GNAS: variants seen among roughly 807,000 people sequenced by gnomAD.
The protein encoded by GNAS is protein ALEX.
In GNAS, 8 loss-of-function variants were observed where a neutral mutation model predicts 54.5. The ratio of observed to expected loss-of-function variants is 0.15; its 90% confidence interval spans 0.09 to 0.26. The LOEUF (loss-of-function observed/expected upper bound fraction) is 0.26. GNAS is among the 10% of genes least tolerant of loss of function. The probability of loss-of-function intolerance (pLI) is 1.00; values close to 1 mark genes in which losing one functional copy is unlikely to be tolerated. For synonymous variants in GNAS, 204 were observed against 191.4 expected (o/e 1.07, Z -0.54); for missense variants, 170 against 529.8 (o/e 0.32, Z 6.67).
At position 58,853,076 on chromosome 20, in the gene GNAS, T is replaced by C; in HGVS notation, c.43+12190T>C. On this transcript the variant is annotated intron_variant, in intron 1 of 12. Coordinates refer to the GNAS transcript ENST00000306090. This position sits in a 1 kb window ranked among gnomAD's most constrained non-coding sequence, Gnocchi z 4.4. ...CTCCACCAGCAACAATTGAGTTGCT[T>C]CAGCCTCAGTCTAGGGTTCCTTCCA... is the stretch of plus-strand genomic sequence containing the variant. The C allele has an allele frequency of 1.4e-6, 2 of 1,390,846 alleles. No homozygotes were observed. Among genetic ancestry groups the C allele is most frequent in the Admixed American group, 6.3e-5 (2 of 31,826 alleles). The allele number at this position is 1,390,846 out of a possible 1,614,324, so 86.2% of individuals were successfully genotyped here.
intron 1 of GNAS, among the ~76,000 whole-genome samples, chr20:58,861,686 A>G (rs757968331): frequency 6.6e-6 from 1 of 152,136 alleles, no homozygotes; most frequent in Non-Finnish European, 1.5e-5. Context: ...AGGAGAGGAG[A>G]GGTATTTCAA....
rs1158028200 is a variant in GNAS, at chr20:58,903,368, C to T, written c.258-163C>T. Reference sequence around the variant, plus strand: ...GGCACATTTGGGAGGTTATAATTTGCAACTATGTTTATTCAGCTACCTCCA... The same window carrying T: ...GGCACATTTGGGAGGTTATAATTTGTAACTATGTTTATTCAGCTACCTCCA... On this transcript the variant is annotated intron_variant, in intron 3 of 12. Transcript: ENST00000371085. The T allele has an allele frequency of 4.1e-6, 3 of 730,430 alleles. No individual in the cohort carries two copies. The East Asian group carries it at 8.0e-5, about 20-fold the overall frequency. The allele number at this position is 730,430 out of a possible 1,614,324, so 45.2% of individuals were successfully genotyped here. A position where few individuals can be genotyped will look rare whatever the true frequency, so the allele number is the denominator to read the frequency against.
intron 1 of GNAS, among the ~76,000 whole-genome samples, chr20:58,893,470 A>G (rs1279850902): frequency 6.6e-6 from 1 of 152,222 alleles, no homozygotes; most frequent in Non-Finnish European, 1.5e-5. Flanking sequence ...TCACATTTCA[A>G]CAAAACAGCT....
rs1364560124 is a variant in GNAS at position 58,910,311 on chromosome 20, A to T, written c.971-23A>T. 1.3e-6 allele frequency: 2 copies of T among 1,559,066 alleles called. No individual in the cohort carries two copies. Among genetic ancestry groups the T allele is most frequent in the South Asian group, 2.2e-5 (2 of 89,974 alleles). On this transcript the variant is annotated intron_variant, in intron 11 of 12. Transcript: ENST00000371085. This position sits in a 1 kb window ranked among gnomAD's most constrained non-coding sequence, Gnocchi z 5.8. ...TCTGCTTGAATTTTAAATTACATTAATATGTATTCCCTTTTTATATAGCTA... is the reference window on the plus strand; with the variant it reads ...TCTGCTTGAATTTTAAATTACATTATTATGTATTCCCTTTTTATATAGCTA...
intron 1 of GNAS, chr20:58,850,996 A>G: frequency 2.5e-6 from 1 of 398,408 alleles, no homozygotes; most frequent in Non-Finnish European, 4.4e-6. Context: ...CCAATGGCTG[A>G]CCCGGCGCTG....
chr20:58,888,145 G>A (rs1262972945), upstream of GNAS, among the ~76,000 whole-genome samples: 1 of 152,040 alleles, frequency 6.6e-6, no homozygotes, highest in Non-Finnish European at 1.5e-5. Context: ...AGTTTCATGG[G>A]CTCTGTTAAG....
intron 6 of GNAS, 73 bp downstream of exon 6, chr20:58,905,553 T>A: frequency 1.1e-6 from 1 of 880,528 alleles, no homozygotes. Flanking sequence ...CCTGTGATCC[T>A]GCTTTGAAAG....
intron 1 of GNAS, among the ~76,000 whole-genome samples, chr20:58,869,104 G>A (rs1460826979): frequency 2.6e-5 from 4 of 152,188 alleles, no homozygotes; most frequent in African/African-American, 9.7e-5. Context: ...TGGATCTGAA[G>A]ATCTTAGCCA....
intron 1 of GNAS, among the ~76,000 whole-genome samples, chr20:58,877,347 A>G (rs1460090014): frequency 6.6e-6 from 1 of 152,090 alleles, no homozygotes; most frequent in African/African-American, 2.4e-5. Flanking sequence ...AGGACTAGTC[A>G]GCCAGGGGCA....
At chr20:58,847,783 C>T (rs1265065172) in intron 1 of GNAS, among the ~76,000 whole-genome samples, 1 of 152,200 alleles carries the variant, frequency 6.6e-6, no homozygotes, top group Non-Finnish European at 1.5e-5. Flanking sequence ...TTTGCCTTCT[C>T]TTTGTTGGCT....
At chr20:58,903,025 C>T (rs576192480) in intron 3 of GNAS, 26 of 240,330 alleles carry the variant, frequency 1.1e-4, no homozygotes, top group South Asian at 9.1e-4. Flanking sequence ...TGTGAGCCAC[C>T]GCACCCGGGC....
At chr20:58,871,506 C>G (rs564099024) in intron 1 of GNAS, among the ~76,000 whole-genome samples, 1 of 149,518 alleles carries the variant, frequency 6.7e-6, no homozygotes, top group Non-Finnish European at 1.5e-5. Context: ...TCTAGCTACT[C>G]GGGAGGCTGA....
chr20:58,900,822 A>G (rs1222044324), intron 3 of GNAS, among the ~76,000 whole-genome samples: 3 of 152,240 alleles, frequency 2.0e-5, no homozygotes, highest in South Asian at 2.1e-4. Flanking sequence ...AATTGCTTCA[A>G]TGGAAGAATT....
chr20:58,899,599 CCATT>C (rs1280730890), intron 3 of GNAS: 20 of 575,546 alleles, frequency 3.5e-5, no homozygotes, highest in Admixed American at 1.7e-4. Context: ...TTTTATTTTT[CCATT>C]CATTATCAAA....
At chr20:58,883,596 C>T (rs1251920908) in intron 1 of GNAS, among the ~76,000 whole-genome samples, 9 of 152,172 alleles carry the variant, frequency 5.9e-5, no homozygotes, top group Non-Finnish European at 4.4e-5. Flanking sequence ...GACACAGTGC[C>T]ATCTGGGCTC....
intron 6 of GNAS, among the ~76,000 whole-genome samples, chr20:58,908,184 C>T (rs1208136292): frequency 6.6e-6 from 1 of 151,970 alleles, no homozygotes; most frequent in African/African-American, 2.4e-5. Flanking sequence ...CTCGTTAGCC[C>T]GCTTTAAAAC....
Position 58,910,151 on chromosome 20 carries a change from C to A in GNAS, c.970+70C>A. 1 of 1,487,030 alleles carries A rather than the reference C, an allele frequency of 6.7e-7. No homozygotes were observed. Among genetic ancestry groups the A allele is most frequent in the Non-Finnish European group, 9.4e-7 (1 of 1,064,484 alleles). 92.1% of individuals were successfully genotyped at this position (1,487,030 alleles called of 1,614,324 possible). Reference sequence around the variant, plus strand: ...CTTTTTCAAACGGTCAGGCTGAAAACCCCCATCCCCCTCCCACCACCAAAC... The same window carrying A: ...CTTTTTCAAACGGTCAGGCTGAAAAACCCCATCCCCCTCCCACCACCAAAC... On this transcript the variant is annotated intron_variant, in intron 11 of 12. Transcript: ENST00000371085. The surrounding 1 kb of genome is among the most constrained non-coding windows in gnomAD (Gnocchi z 5.8).
rs188623717 is a variant in GNAS at position 58,865,332 on chromosome 20, C to T, written c.43+24446C>T. On this transcript the variant is annotated intron_variant, in intron 1 of 12. Transcript: ENST00000306090. ...ACTCAGGAGGCTGAGGCAGGAGAAT[C>T]GCTTGAACCCGGGAGGCAGAGGTTG... Among the ~76,000 whole-genome samples the T allele has an allele frequency of 7.0e-3, 1,063 of 151,202 alleles. 11 individuals are homozygous for T. The highest frequency in any genetic ancestry group is 0.024 in the African/African-American group (1,008 of 41,202).
chr20:58,855,659 G>GCCGGGGAGGGGCCCC, intron 1 of GNAS: 2 of 702,302 alleles, frequency 2.8e-6, no homozygotes, highest in Non-Finnish European at 5.3e-6. Flanking sequence ...GCCAGGAACT[G>GCCGGGGAGGGGCCCC]CCGGGGAGGG....
Sources: gnomAD v4.1 joint callset for allele counts (sites outside exome capture counted in the v4.1 genomes callset) on GRCh38, gnomAD v4.1.1 for gene constraint, Gnocchi (gnomAD v3.1) non-coding constraint, MANE v1.5 for transcripts, NCBI Gene and HGNC (gene_info 2026-07-23, HGNC 2026-07-21) for gene names.